The following GSE1 variants were observed in gnomAD, a reference collection of about 807,000 sequenced individuals.
The protein encoded by GSE1 is Gse1 coiled-coil protein.
A neutral mutation model predicts 112.6 loss-of-function variants in GSE1; 32 were observed. The observed-to-expected ratio is 0.28, with a 90% confidence interval of 0.21 to 0.38. The LOEUF (loss-of-function observed/expected upper bound fraction) is 0.38, where lower values mean the gene tolerates loss of function less well. GSE1 is among the 10% of genes least tolerant of loss of function. GSE1 has a pLI of 1.00. For missense variants in GSE1, 2,348 were observed against 1,699.2 expected, an observed-to-expected ratio of 1.38 and a Z score of -6.71; for synonymous variants, 1,115 against 735.6, an observed-to-expected ratio of 1.52 and a Z score of -8.35.
intron 1 of GSE1, among the ~76,000 whole-genome samples, chr16:85,568,592 G>T (rs900141770): frequency 2.0e-5 from 3 of 152,170 alleles, no homozygotes; most frequent in African/African-American, 7.2e-5. Flanking sequence ...TTCAGTACAG[G>T]GTTGGTTGAT....
intron 2 of GSE1, among the ~76,000 whole-genome samples, chr16:85,416,496 A>T (rs547592535): frequency 3.3e-5 from 5 of 152,234 alleles, no homozygotes; most frequent in Non-Finnish European, 7.4e-5. Context: ...CCTTCCCGGA[A>T]GGAGGTGCAG....
intron 1 of GSE1, among the ~76,000 whole-genome samples, chr16:85,340,076 G>T (rs1333431261): frequency 2.0e-5 from 3 of 151,654 alleles, no homozygotes; most frequent in Middle Eastern, 3.4e-3. Context: ...GTCGATAAAG[G>T]TGTATCCAGA....
At chr16:85,176,858 C>T (rs1406466883) in intron 1 of GSE1, among the ~76,000 whole-genome samples, 1 of 152,248 alleles carries the variant, frequency 6.6e-6, no homozygotes, top group African/African-American at 2.4e-5. Flanking sequence ...TGCTTCCTGA[C>T]TATCTGCGCC....
chr16:85,463,099 C>G (rs536176082), intron 2 of GSE1: 1 of 985,112 alleles, frequency 1.0e-6, no homozygotes, highest in Non-Finnish European at 1.2e-6. Flanking sequence ...GGCATGAAGA[C>G]CTGGTCGTCT....
chr16:85,196,184 G>A (rs2074923522), intron 1 of GSE1, among the ~76,000 whole-genome samples: 1 of 152,236 alleles, frequency 6.6e-6, no homozygotes, highest in African/African-American at 2.4e-5. Flanking sequence ...GGGGGTTGTG[G>A]GTAGAGGGTT....
At chr16:85,247,410 G>C (rs1030133507) in intron 1 of GSE1, among the ~76,000 whole-genome samples, 14 of 152,350 alleles carry the variant, frequency 9.2e-5, no homozygotes, top group African/African-American at 3.4e-4. Context: ...AGCAGAGGAA[G>C]GTGGCTTGGA....
chr16:85,429,676 C>T (rs1377227068), intron 2 of GSE1, among the ~76,000 whole-genome samples: 2 of 152,204 alleles, frequency 1.3e-5, no homozygotes, highest in East Asian at 3.9e-4. Flanking sequence ...CAGGCCTCCT[C>T]CCCTGTCCTC....
chr16:85,333,032 C>G (rs1380146309), intron 1 of GSE1, among the ~76,000 whole-genome samples: 4 of 152,150 alleles, frequency 2.6e-5, no homozygotes, highest in South Asian at 2.1e-4. Flanking sequence ...GACCACTTCT[C>G]CACCTGTCAT....
rs1567693520 is a variant in GSE1, at chr16:85,331,701, ATATATATT to A, written c.2284-25760_2284-25753del. ...TGTGTGTGTGTATATATATATATAT[ATATATATT>A]TTTTTTTTTTTTTTTTTTAGTTAAG... is the stretch of plus-strand genomic sequence containing the variant. On this transcript the variant is annotated intron_variant, in intron 1 of 2. Transcript: ENST00000637419. Among the ~76,000 whole-genome samples, 52 of 74,118 alleles carry A rather than the reference ATATATATT, an allele frequency of 7.0e-4. 2 individuals are homozygous for A. Among genetic ancestry groups the A allele is most frequent in the African/African-American group, 1.1e-3 (20 of 18,914 alleles). The allele number at this position is 74,118 out of a possible 152,430, so 48.6% of individuals were successfully genotyped here. A position where few individuals can be genotyped will look rare whatever the true frequency, so the allele number is the denominator to read the frequency against.
At chr16:85,422,766 G>T (rs2048880813) in intron 2 of GSE1, among the ~76,000 whole-genome samples, 1 of 152,100 alleles carries the variant, frequency 6.6e-6, no homozygotes, top group Admixed American at 6.6e-5. Flanking sequence ...AGGAGAGAGG[G>T]GTTTGGGGGC....
chr16:85,322,859 AC>A (rs1182866225), intron 1 of GSE1, among the ~76,000 whole-genome samples: 3 of 151,550 alleles, frequency 2.0e-5, no homozygotes, highest in Non-Finnish European at 4.4e-5. Context: ...CAAGTGATCT[AC>A]CCGCCTTGGC....
At chr16:85,639,211 C>G (rs1201465902) in intron 2 of GSE1, among the ~76,000 whole-genome samples, 2 of 152,232 alleles carry the variant, frequency 1.3e-5, no homozygotes, top group African/African-American at 4.8e-5. Context: ...CCGCCCAGCC[C>G]TCCCTTCGAC....
intron 1 of GSE1, among the ~76,000 whole-genome samples, chr16:85,182,251 G>A (rs922090847): frequency 3.3e-5 from 5 of 152,156 alleles, no homozygotes; most frequent in African/African-American, 1.2e-4. Context: ...CATCAGCCTC[G>A]TACAGAAGGC....
intron 2 of GSE1, among the ~76,000 whole-genome samples, chr16:85,511,919 T>C (rs1397275770): frequency 6.6e-6 from 1 of 152,244 alleles, no homozygotes; most frequent in Middle Eastern, 3.4e-3. Flanking sequence ...GCTATTCTGT[T>C]GTTTTAAGCC....
intron 1 of GSE1, chr16:85,207,674 G>C (rs1448155332): frequency 6.6e-6 from 1 of 152,366 alleles, no homozygotes; most frequent in Middle Eastern, 3.4e-3. Flanking sequence ...TTGACCAGCG[G>C]GGTGAGGGCA....
intron 2 of GSE1, among the ~76,000 whole-genome samples, chr16:85,504,517 G>A (rs1252402531): frequency 6.6e-6 from 1 of 152,210 alleles, no homozygotes; most frequent in Non-Finnish European, 1.5e-5. Flanking sequence ...GGTAGCATAC[G>A]GTTAGTGTGA....
At chr16:85,597,224 CTGCCT>C (rs914068506) in intron 1 of GSE1, among the ~76,000 whole-genome samples, 2 of 151,760 alleles carry the variant, frequency 1.3e-5, no homozygotes, top group African/African-American at 4.8e-5. Context: ...GGTGATCTGC[CTGCCT>C]TGGCCTCCCA....
chr16:85,651,308 C>A (rs969247158), intron 3 of GSE1, among the ~76,000 whole-genome samples: 2 of 151,896 alleles, frequency 1.3e-5, no homozygotes, highest in African/African-American at 4.8e-5. Flanking sequence ...GACCTAGTTC[C>A]CAGGTGTCTG....
chr16:85,610,861 C>T (rs2047939458), upstream of GSE1, among the ~76,000 whole-genome samples: 3 of 152,240 alleles, frequency 2.0e-5, no homozygotes, highest in Non-Finnish European at 1.5e-5. Flanking sequence ...GACCAGACCA[C>T]CCATCTCGCA....
Sources: allele counts gnomAD v4.1 joint callset (sites outside exome capture counted in the v4.1 genomes callset), GRCh38; gene constraint gnomAD v4.1.1; transcripts MANE v1.5; gene names NCBI Gene and HGNC (gene_info 2026-07-23, HGNC 2026-07-21).